The following ARMC8 variants were observed in gnomAD, a reference collection of about 807,000 sequenced individuals.
ARMC8 encodes armadillo repeat-containing protein 8.
ARMC8 carries 20 observed loss-of-function variants against 99.3 expected under a neutral mutation model. The observed-to-expected ratio is 0.20, with a 90% CI of 0.14 to 0.29. The LOEUF (loss-of-function observed/expected upper bound fraction) is 0.29. Among genes scored for constraint, ARMC8 ranks in the 10% least tolerant of loss-of-function variants. ARMC8 has a pLI of 1.00. For synonymous variants in ARMC8, 263 were observed against 278.3 expected, an observed-to-expected ratio of 0.95 and a Z score of 0.55; for missense variants, 569 against 809.5, an observed-to-expected ratio of 0.70 and a Z score of 3.60.
chr3:138,267,636 A>G (rs2048393272), intron 15 of ARMC8, among the ~76,000 whole-genome samples: 1 of 152,204 alleles, frequency 6.6e-6, no homozygotes, highest in African/African-American at 2.4e-5. Flanking sequence ...AACTGCTGTC[A>G]TTGGAAAATC....
chr3:138,239,627 G>GAT, intron 10 of ARMC8, 99 bp downstream of exon 10: 1 of 724,934 alleles, frequency 1.4e-6, no homozygotes, highest in Non-Finnish European at 2.3e-6. Context: ...TTATCATTAT[G>GAT]ATATATGTGC....
chr3:138,270,397 AATTTT>A (rs1263279370), intron 16 of ARMC8, among the ~76,000 whole-genome samples: 1 of 152,170 alleles, frequency 6.6e-6, no homozygotes, highest in Non-Finnish European at 1.5e-5. Flanking sequence ...TGGGAAAATA[AATTTT>A]CCTTATCATG....
At chr3:138,279,136 C>T (rs988640385) in intron 18 of ARMC8, among the ~76,000 whole-genome samples, 1 of 151,998 alleles carries the variant, frequency 6.6e-6, no homozygotes, top group African/African-American at 2.4e-5. Context: ...TTGAATATGT[C>T]GGGTGTAGGT....
intron 10 of ARMC8, among the ~76,000 whole-genome samples, chr3:138,240,970 A>G (rs1238800128): frequency 6.6e-6 from 1 of 152,172 alleles, no homozygotes; most frequent in Non-Finnish European, 1.5e-5. Flanking sequence ...GAATTGCTTG[A>G]ATCCAGGAGG....
intron 1 of ARMC8, among the ~76,000 whole-genome samples, chr3:138,205,914 C>T (rs1282435411): frequency 6.6e-6 from 1 of 152,204 alleles, no homozygotes; most frequent in Non-Finnish European, 1.5e-5. Flanking sequence ...TATACTAGTG[C>T]TATCCAATGG....
rs1336516678 is a variant in ARMC8, at chr3:138,223,695, T to C, written c.397T>C (p.Phe133Leu). Residue 133 changes from phenylalanine to leucine, a missense_variant, in exon 5 of 22, where the codon TTC becomes CTC. Physicochemically the swap from Phe to Leu is conservative, Grantham distance 22. Coordinates refer to ENST00000469044, the MANE Select transcript of ARMC8 (RefSeq NM_001363941.2). Reference protein sequence around the residue: ...EACLRCLRTIFTSPVTPEELL... With the variant: ...EACLRCLRTILTSPVTPEELL... ...TTGCCTCCGATGCCTGCGTACCATC[T>C]TCACCAGTCCTGTCACTCCAGAGGA... The C allele has an allele frequency of 6.2e-7, 1 of 1,614,094 alleles. No homozygotes were observed. The highest frequency in any genetic ancestry group is 1.3e-5 in the African/African-American group (1 of 74,942).
intron 12 of ARMC8, among the ~76,000 whole-genome samples, chr3:138,258,464 G>C (rs1472219431): frequency 6.6e-6 from 1 of 152,202 alleles, no homozygotes; most frequent in Admixed American, 6.5e-5. Context: ...TGGAGGGCTG[G>C]GAAGTTCCCT....
chr3:138,211,671 A>G (rs1351654998), intron 2 of ARMC8, among the ~76,000 whole-genome samples: 1 of 152,194 alleles, frequency 6.6e-6, no homozygotes, highest in Non-Finnish European at 1.5e-5. Context: ...GTTGGACCAT[A>G]GTGGTTTGAA....
chr3:138,194,706 C>T (rs1399658506), intron 1 of ARMC8, among the ~76,000 whole-genome samples: 1 of 151,342 alleles, frequency 6.6e-6, no homozygotes, highest in East Asian at 1.9e-4. Flanking sequence ...CTGGATATTC[C>T]TTCATTTTGT....
chr3:138,209,670 C>T, intron 1 of ARMC8, 147 bp from the exon 2 acceptor site: 1 of 640,358 alleles, frequency 1.6e-6, no homozygotes, highest in Admixed American at 2.9e-5. Flanking sequence ...TATCCCATAT[C>T]ATGAGGAGGC....
chr3:138,256,683 T>G (rs932765630), intron 12 of ARMC8, among the ~76,000 whole-genome samples: 4 of 152,198 alleles, frequency 2.6e-5, no homozygotes, highest in African/African-American at 9.7e-5. Context: ...GTGCTGGCAT[T>G]ACAGGCGTGA....
intron 2 of ARMC8, among the ~76,000 whole-genome samples, chr3:138,216,162 A>G (rs554432637): frequency 1.3e-5 from 2 of 148,534 alleles, no homozygotes; most frequent in Non-Finnish European, 3.0e-5. Context: ...GCTGCTTTTC[A>G]TGGTTTTATA....
At chr3:138,207,296 A>C (rs2044426767) in intron 1 of ARMC8, among the ~76,000 whole-genome samples, 1 of 152,194 alleles carries the variant, frequency 6.6e-6, no homozygotes, top group South Asian at 2.1e-4. Flanking sequence ...TCTAATAGGG[A>C]AATAATCATG....
chr3:138,223,709 C>G lies in ARMC8; in HGVS notation c.411C>G (p.Val137=). The G allele has an allele frequency of 6.2e-7, 1 of 1,614,142 alleles. No homozygotes were observed. The highest frequency in any genetic ancestry group is 8.5e-7 in the Non-Finnish European group (1 of 1,179,990). ...RCLRTIFTSP[V]TPEELLYTDA... is the part of the protein sequence containing the mutation. ...TGCGTACCATCTTCACCAGTCCTGT[C>G]ACTCCAGAGGAGCTACTGTATACAG... The change falls in exon 5 of 22, where the codon GTC becomes GTG. Residue 137 remains valine, a synonymous_variant. Coordinates refer to ENST00000469044, the MANE Select transcript of ARMC8 (RefSeq NM_001363941.2).
chr3:138,259,655 G>C (rs1304522979), intron 12 of ARMC8, among the ~76,000 whole-genome samples: 1 of 152,134 alleles, frequency 6.6e-6, no homozygotes, highest in African/African-American at 2.4e-5. Context: ...GTTAGACTAT[G>C]ATCTAAGAAG....
chr3:138,272,748 G>A (rs1386453062), intron 16 of ARMC8, among the ~76,000 whole-genome samples: 5 of 152,126 alleles, frequency 3.3e-5, no homozygotes, highest in East Asian at 3.9e-4. Flanking sequence ...GGTGGCTCGC[G>A]CCTGTACTCC....
chr3:138,279,931 G>A (rs1020694781), intron 18 of ARMC8, among the ~76,000 whole-genome samples: 2 of 151,620 alleles, frequency 1.3e-5, no homozygotes, highest in African/African-American at 4.9e-5. Context: ...TGGAGACAGA[G>A]TCTCGCTGTG....
chr3:138,211,761 A>T (rs578050625), intron 2 of ARMC8, among the ~76,000 whole-genome samples: 1 of 152,204 alleles, frequency 6.6e-6, no homozygotes, highest in Non-Finnish European at 1.5e-5. Context: ...TTGAGCCTCA[A>T]TTTCATCATC....
chr3:138,287,576 A>G (rs2050552206), intron 19 of ARMC8: 4 of 454,936 alleles, frequency 8.8e-6, no homozygotes, highest in Non-Finnish European at 1.8e-5. Flanking sequence ...TTCAACAAAT[A>G]TTGATTGATT....
Sources: gnomAD v4.1 joint callset for allele counts (sites outside exome capture counted in the v4.1 genomes callset) on GRCh38, gnomAD v4.1.1 for gene constraint, MANE v1.5 for transcripts, NCBI Gene and HGNC (gene_info 2026-07-23, HGNC 2026-07-21) for gene names.